Variants in SEMA3C observed in about 807,000 individuals in gnomAD.
SEMA3C encodes semaphorin-3C.
A neutral mutation model predicts 89.4 loss-of-function variants in SEMA3C; 47 were observed. The observed-to-expected ratio is 0.53, with a 90% CI of 0.42 to 0.67. The LOEUF (loss-of-function observed/expected upper bound fraction) is 0.67, where lower values mean the gene tolerates loss of function less well. Ranked by LOEUF, SEMA3C falls within the 30% of genes least tolerant of loss-of-function variation. SEMA3C has a pLI of 0.00. For synonymous variants in SEMA3C, 310 were observed against 320.2 expected (o/e 0.97, Z 0.34); for missense variants, 839 against 929.1 (o/e 0.90, Z 1.26).
chr7:80,859,540 C>T (rs1412248076), intron 2 of SEMA3C, among the ~76,000 whole-genome samples: 1 of 152,180 alleles, frequency 6.6e-6, no homozygotes. Flanking sequence ...TTCTCTTAAT[C>T]ACTTCGAGAC....
intron 2 of SEMA3C, among the ~76,000 whole-genome samples, chr7:80,906,139 T>C (rs1344437887): frequency 6.6e-6 from 1 of 152,176 alleles, no homozygotes. Flanking sequence ...CACTGGAAGA[T>C]GAACAAAATT....
intron 12 of SEMA3C, among the ~76,000 whole-genome samples, chr7:80,772,383 T>C (rs1788452488): frequency 6.6e-6 from 1 of 152,226 alleles, no homozygotes; most frequent in South Asian, 2.1e-4. Context: ...TGTGTATGCC[T>C]TGTTACAAAA....
intron 2 of SEMA3C, among the ~76,000 whole-genome samples, chr7:80,846,070 A>G (rs1319090401): frequency 6.6e-6 from 1 of 152,196 alleles, no homozygotes; most frequent in Non-Finnish European, 1.5e-5. Flanking sequence ...TGTCACTGAT[A>G]TTCTGAAATT....
chr7:80,755,425 G>T (rs1407663109), intron 15 of SEMA3C, among the ~76,000 whole-genome samples: 3 of 149,562 alleles, frequency 2.0e-5, no homozygotes, highest in Non-Finnish European at 4.4e-5. Flanking sequence ...TTTTACTTGA[G>T]AAATATTATT....
intron 8 of SEMA3C, among the ~76,000 whole-genome samples, chr7:80,803,599 A>C (rs1409167007): frequency 6.6e-6 from 1 of 152,184 alleles, no homozygotes; most frequent in Non-Finnish European, 1.5e-5. Flanking sequence ...TTGTTTCTAC[A>C]CAAGAGCATT....
intron 2 of SEMA3C, among the ~76,000 whole-genome samples, chr7:80,858,122 TA>T (rs1790684635): frequency 6.6e-6 from 1 of 152,148 alleles, no homozygotes; most frequent in Non-Finnish European, 1.5e-5. Context: ...ATATTGAAAA[TA>T]AATATTAGGT....
chr7:80,896,721 G>C (rs1233334181), intron 2 of SEMA3C, among the ~76,000 whole-genome samples: 1 of 152,016 alleles, frequency 6.6e-6, no homozygotes, highest in Non-Finnish European at 1.5e-5. Flanking sequence ...TGTCTGTTGG[G>C]CCCTATTCTG....
At chr7:80,912,542 C>G (rs761806134) in intron 2 of SEMA3C, among the ~76,000 whole-genome samples, 12 of 152,174 alleles carry the variant, frequency 7.9e-5, no homozygotes, top group Non-Finnish European at 1.8e-4. Flanking sequence ...TTCAATTAAA[C>G]TCTCACAAGG....
chr7:80,854,156 T>C (rs1790580938), intron 2 of SEMA3C, among the ~76,000 whole-genome samples: 1 of 152,204 alleles, frequency 6.6e-6, no homozygotes, highest in African/African-American at 2.4e-5. Context: ...GGTAAGGTTA[T>C]TGATAAAAAT....
At chr7:80,827,273 C>A (rs1789892507) in intron 4 of SEMA3C, 152 bp downstream of exon 4, 2 of 647,740 alleles carry the variant, frequency 3.1e-6, no homozygotes, top group African/African-American at 1.9e-5. Flanking sequence ...GAGTTCCAGT[C>A]TCCTCAAGGT....
chr7:80,810,791 T>A, intron 5 of SEMA3C, 90 bp from the exon 6 acceptor site: 2 of 969,752 alleles, frequency 2.1e-6, no homozygotes, highest in Non-Finnish European at 1.6e-6. Flanking sequence ...TCATTAAAAT[T>A]AATATGCTTT....
chr7:80,780,148 T>C (rs1443023657), intron 12 of SEMA3C, among the ~76,000 whole-genome samples: 1 of 152,218 alleles, frequency 6.6e-6, no homozygotes, highest in African/African-American at 2.4e-5. Flanking sequence ...GGTAACTTGT[T>C]ATACAGCAAT....
chr7:80,908,320 T>C (rs1792061865), intron 2 of SEMA3C, among the ~76,000 whole-genome samples: 1 of 152,178 alleles, frequency 6.6e-6, no homozygotes. Flanking sequence ...CAGCGATGAA[T>C]GAAGTGCCAG....
At chr7:80,779,759 G>GA (rs1233635601) in intron 12 of SEMA3C, among the ~76,000 whole-genome samples, 1 of 152,076 alleles carries the variant, frequency 6.6e-6, no homozygotes, top group African/African-American at 2.4e-5. Context: ...TTAAGCAACA[G>GA]AAAAATATAA....
At chr7:80,864,777 C>A (rs1489008672) in intron 2 of SEMA3C, among the ~76,000 whole-genome samples, 6 of 152,162 alleles carry the variant, frequency 3.9e-5, no homozygotes, top group African/African-American at 1.4e-4. Context: ...CAAATGCCTA[C>A]TCAATACCTC....
chr7:80,779,290 T>G (rs1285427953), intron 12 of SEMA3C, among the ~76,000 whole-genome samples: 1 of 152,206 alleles, frequency 6.6e-6, no homozygotes, highest in African/African-American at 2.4e-5. Context: ...GTGATCAATT[T>G]AGACTCTCAT....
chr7:80,790,523 C>T (rs960666895), intron 11 of SEMA3C, among the ~76,000 whole-genome samples: 2 of 152,154 alleles, frequency 1.3e-5, no homozygotes, highest in African/African-American at 2.4e-5. Context: ...CTGAGCCAGC[C>T]CCTCCTACTG....
At chr7:80,769,596 C>T (rs977586109) in intron 12 of SEMA3C, among the ~76,000 whole-genome samples, 4 of 152,122 alleles carry the variant, frequency 2.6e-5, no homozygotes, top group African/African-American at 7.2e-5. Flanking sequence ...CAGTGGCTCA[C>T]GCCTGTAATC....
At chr7:80,843,611 C>A (rs1790321722) in intron 2 of SEMA3C, among the ~76,000 whole-genome samples, 1 of 152,152 alleles carries the variant, frequency 6.6e-6, no homozygotes, top group Admixed American at 6.6e-5. Flanking sequence ...TAATAGCTAT[C>A]ACTCACAACT....
Sources: gnomAD v4.1 joint callset for allele counts (sites outside exome capture counted in the v4.1 genomes callset) on GRCh38, gnomAD v4.1.1 for gene constraint, MANE v1.5 for transcripts, NCBI Gene and HGNC (gene_info 2026-07-23, HGNC 2026-07-21) for gene names.